Variants in GLOD5 observed in about 807,000 individuals in gnomAD.
GLOD5 encodes the protein glyoxalase domain-containing protein 5.
A neutral mutation model predicts 9.9 loss-of-function variants in GLOD5; 7 were observed. The ratio of observed to expected loss-of-function variants is 0.71; its 90% CI spans 0.40 to 1.33. GLOD5 has a LOEUF of 1.33. Ranked by LOEUF, GLOD5 falls within the 40% of genes most tolerant of loss-of-function variation. The probability of loss-of-function intolerance (pLI) is 0.01; values close to 1 mark genes in which losing one functional copy is unlikely to be tolerated. For synonymous variants in GLOD5, 49 were observed against 47.3 expected, an observed-to-expected ratio of 1.04 and a Z score of -0.14; for missense variants, 146 against 128.4, an observed-to-expected ratio of 1.14 and a Z score of -0.66.
chrX:48,763,144 G>A (rs782456067), intron 1 of GLOD5, among the ~76,000 whole-genome samples: 43 of 111,851 alleles, frequency 3.8e-4, no homozygotes, highest in South Asian at 3.3e-3. Context: ...TCCCTATCAA[G>A]AAACTGGGAA....
intron 1 of GLOD5, among the ~76,000 whole-genome samples, chrX:48,763,889 T>A (rs1185445240): frequency 9.0e-6 from 1 of 111,701 alleles, no homozygotes; most frequent in East Asian, 2.8e-4. Flanking sequence ...GGTACAGGAT[T>A]TTTTTTAGCT....
rs1557017761 is a variant in GLOD5, at chrX:48,773,620, G to GC, written c.*187dup. ...ACATGTCTGTATGTCATCAAAGTTG[G>GC]CCTAATAAATGCATAACCTCTCAAT... On this transcript the variant is annotated 3_prime_UTR_variant, in exon 4 of 4. Transcript: ENST00000303227. 2.2e-6 allele frequency: 1 copy of GC among 446,114 alleles called. No homozygotes were observed. The highest frequency in any genetic ancestry group is 3.8e-6 in the Non-Finnish European group (1 of 263,462). The allele number at this position is 446,114 out of a possible 1,213,427, so 36.8% of individuals were successfully genotyped here.
At chrX:48,765,598 A>AAAAAG (rs2062606957) in intron 1 of GLOD5, 193 of 393,546 alleles carry the variant, frequency 4.9e-4, no homozygotes, top group Non-Finnish European at 5.5e-4. Flanking sequence ...AAAAAAAAAA[A>AAAAAG]AAAAGAAAAG....
intron 2 of GLOD5, among the ~76,000 whole-genome samples, chrX:48,769,690 T>C (rs1370960264): frequency 7.2e-5 from 8 of 110,759 alleles, no homozygotes; most frequent in African/African-American, 2.3e-4. Flanking sequence ...AATCAAGAAA[T>C]AGTGGTGCAG....
At chrX:48,767,530 G>A (rs1016613705) in intron 2 of GLOD5, among the ~76,000 whole-genome samples, 1 of 111,138 alleles carries the variant, frequency 9.0e-6, no homozygotes, top group Admixed American at 9.6e-5. Context: ...TGGATCACCT[G>A]AGGTCAGGAG....
At chrX:48,762,564 G>A (rs2062599133) in intron 1 of GLOD5, among the ~76,000 whole-genome samples, 1 of 106,655 alleles carries the variant, frequency 9.4e-6, no homozygotes, top group South Asian at 4.3e-4. Context: ...TCAGCCTCCC[G>A]AGTAGGGGAT....
chrX:48,764,634 G>A (rs1008569301), intron 1 of GLOD5, among the ~76,000 whole-genome samples: 13 of 99,336 alleles, frequency 1.3e-4, no homozygotes, highest in East Asian at 6.6e-4. Flanking sequence ...TGCAACCTCC[G>A]CCTCCCAGGC....
At chrX:48,766,985 C>CAAAA (rs782648787) in intron 2 of GLOD5, among the ~76,000 whole-genome samples, 265 of 3,020 alleles carry the variant, frequency 0.088, 84 homozygotes, top group Non-Finnish European at 0.12. Context: ...GATTCCATCT[C>CAAAA]AAAAAAAAAA....
At chrX:48,770,895 G>A (rs782031430) in intron 2 of GLOD5, 32 bp from the exon 3 acceptor site, 9 of 1,123,854 alleles carry the variant, frequency 8.0e-6, no homozygotes, top group Non-Finnish European at 1.1e-5. Flanking sequence ...TTTAATTCTA[G>A]GCTGTTTTCT....
At chrX:48,767,018 G>C (rs782215890) in intron 2 of GLOD5, among the ~76,000 whole-genome samples, 1 of 25,054 alleles carries the variant, frequency 4.0e-5, no homozygotes, top group South Asian at 1.9e-3. Context: ...AACATTGGAT[G>C]ACTATGAATC....
intron 2 of GLOD5, among the ~76,000 whole-genome samples, chrX:48,767,135 G>C (rs1311746006): frequency 2.8e-5 from 3 of 106,676 alleles, no homozygotes; most frequent in Non-Finnish European, 5.8e-5. Flanking sequence ...GTGTAAGAAA[G>C]ACCCCAGGAA....
At chrX:48,764,973 G>A (rs916684687) in intron 1 of GLOD5, among the ~76,000 whole-genome samples, 4 of 111,493 alleles carry the variant, frequency 3.6e-5, no homozygotes, top group Non-Finnish European at 5.6e-5. Context: ...TGGGAAGTGT[G>A]CTGAGGGCGG....
At chrX:48,771,166 TACC>T in intron 3 of GLOD5, 84 bp downstream of exon 3, 2 of 721,794 alleles carry the variant, frequency 2.8e-6, no homozygotes, top group Non-Finnish European at 4.0e-6. Context: ...TAACAAGTTT[TACC>T]ACAACCAGAT....
chrX:48,763,817 T>C (rs1557016278), intron 1 of GLOD5, among the ~76,000 whole-genome samples: 3 of 112,874 alleles, frequency 2.7e-5, no homozygotes, highest in Non-Finnish European at 5.6e-5. Context: ...ATCTTTTGTA[T>C]CCACCGGGAG....
At chrX:48,764,530 G>A (rs992150046) in intron 1 of GLOD5, among the ~76,000 whole-genome samples, 7 of 106,987 alleles carry the variant, frequency 6.5e-5, no homozygotes, top group South Asian at 4.1e-4. Context: ...TTATTTAAAC[G>A]TCAATCTGGT....
At chrX:48,766,984 T>A (rs1602206967) in intron 2 of GLOD5, among the ~76,000 whole-genome samples, 1 of 173 alleles carries the variant, frequency 5.8e-3, no homozygotes. Context: ...AGATTCCATC[T>A]CAAAAAAAAA....
chrX:48,769,132 C>T (rs1280372885), intron 2 of GLOD5, among the ~76,000 whole-genome samples: 2 of 110,079 alleles, frequency 1.8e-5, no homozygotes, highest in Non-Finnish European at 1.9e-5. Flanking sequence ...AGAAATGGCA[C>T]ATGTTGAGAG....
chrX:48,762,061 C>G (rs982899669), intron 1 of GLOD5, among the ~76,000 whole-genome samples: 3 of 111,186 alleles, frequency 2.7e-5, no homozygotes, highest in African/African-American at 9.8e-5. Context: ...AGGGCTGGGC[C>G]GGGGCTGAGG....
intron 2 of GLOD5, 130 bp downstream of exon 2, chrX:48,766,102 G>T: frequency 1.7e-6 from 1 of 589,294 alleles, no homozygotes. Context: ...CAATAGAGGA[G>T]ATTCCAAACT....
Sources: gnomAD v4.1 joint callset for allele counts (sites outside exome capture counted in the v4.1 genomes callset) on GRCh38, gnomAD v4.1.1 for gene constraint, MANE v1.5 for transcripts, NCBI Gene and HGNC (gene_info 2026-07-23, HGNC 2026-07-21) for gene names.